TYW1B: variants seen among roughly 807,000 people sequenced by gnomAD.
TYW1B encodes S-adenosyl-L-methionine-dependent tRNA 4-demethylwyosine synthase TYW1B.
TYW1B carries 73 observed loss-of-function variants against 86.9 expected under a neutral mutation model. That is an observed-to-expected ratio of 0.84 (90% confidence interval 0.70 to 1.02). The LOEUF (loss-of-function observed/expected upper bound fraction) is 1.02, where lower values mean the gene tolerates loss of function less well. Ranked by LOEUF, TYW1B falls within the 50% of genes least tolerant of loss-of-function variation. The pLI is 0.00. For synonymous variants in TYW1B, 248 were observed against 292.8 expected (o/e 0.85, Z 1.56); for missense variants, 637 against 827.4 (o/e 0.77, Z 2.82).
intron 6 of TYW1B, among the ~76,000 whole-genome samples, chr7:72,779,121 C>A (rs1403641216): frequency 6.6e-6 from 1 of 152,184 alleles, no homozygotes; most frequent in Non-Finnish European, 1.5e-5. Context: ...GGCCCTACCA[C>A]CAAGCCCCAG....
intron 11 of TYW1B, among the ~76,000 whole-genome samples, chr7:72,643,019 A>G (rs1355090447): frequency 6.6e-6 from 1 of 152,220 alleles, no homozygotes; most frequent in Non-Finnish European, 1.5e-5. Context: ...CCACATGATC[A>G]CACTGTTTTG....
At chr7:72,606,459 C>T (rs1473366037) in intron 13 of TYW1B, among the ~76,000 whole-genome samples, 1 of 152,062 alleles carries the variant, frequency 6.6e-6, no homozygotes. Context: ...TCCTCCCCTC[C>T]AGCTGTAATG....
intron 7 of TYW1B, among the ~76,000 whole-genome samples, chr7:72,758,473 AT>A (rs1787632069): frequency 6.6e-6 from 1 of 151,188 alleles, no homozygotes; most frequent in Non-Finnish European, 1.5e-5. Context: ...TTAGAAAAAA[AT>A]TTTTCTCTCT....
intron 2 of TYW1B, among the ~76,000 whole-genome samples, chr7:72,824,124 G>A (rs1788883062): frequency 6.6e-6 from 1 of 151,950 alleles, no homozygotes; most frequent in African/African-American, 2.4e-5. Context: ...ACCTTCGACT[G>A]TAAAATGAAG....
chr7:72,778,682 C>A (rs115947209), intron 6 of TYW1B, among the ~76,000 whole-genome samples: 4,785 of 152,180 alleles, frequency 0.031, 86 homozygotes, highest in Non-Finnish European at 0.037. Context: ...AAACTCCTGG[C>A]CAATGTCTAC....
chr7:72,713,300 C>CAAA (rs71069102), intron 10 of TYW1B, among the ~76,000 whole-genome samples: 4 of 55,850 alleles, frequency 7.2e-5, no homozygotes, highest in Non-Finnish European at 9.4e-5. Context: ...GACTCCAACT[C>CAAA]AAAAAAAAAA....
chr7:72,815,087 A>AG (rs1554479132), intron 3 of TYW1B, among the ~76,000 whole-genome samples: 2 of 146,544 alleles, frequency 1.4e-5, no homozygotes, highest in African/African-American at 5.0e-5. Context: ...AAAAAAAAAA[A>AG]AAAGAAAATT....
intron 13 of TYW1B, among the ~76,000 whole-genome samples, chr7:72,580,225 G>C (rs1220800613): frequency 6.6e-6 from 1 of 152,120 alleles, no homozygotes; most frequent in Non-Finnish European, 1.5e-5. Context: ...GAATCATACT[G>C]AATAATCACA....
At chr7:72,667,882 T>C (rs1173026225) in intron 11 of TYW1B, among the ~76,000 whole-genome samples, 2 of 152,252 alleles carry the variant, frequency 1.3e-5, no homozygotes, top group Non-Finnish European at 2.9e-5. Flanking sequence ...TATTCCCTTG[T>C]GGCTAGCCAG....
intron 13 of TYW1B, among the ~76,000 whole-genome samples, chr7:72,583,115 C>T (rs770593488): frequency 6.6e-6 from 1 of 152,164 alleles, no homozygotes; most frequent in African/African-American, 2.4e-5. Flanking sequence ...GTAATCCCAG[C>T]ACTTTGGGAG....
At chr7:72,615,978 G>T (rs1484043817) in intron 13 of TYW1B, among the ~76,000 whole-genome samples, 6 of 152,036 alleles carry the variant, frequency 3.9e-5, no homozygotes, top group Middle Eastern at 3.4e-3. Flanking sequence ...ATATAATGAC[G>T]TCTAACATAT....
At chr7:72,665,409 C>T (rs530379105) in intron 11 of TYW1B, among the ~76,000 whole-genome samples, 330 of 152,322 alleles carry the variant, frequency 2.2e-3, no homozygotes, top group African/African-American at 6.9e-3. Context: ...GGTTCACCTA[C>T]AATCAGGCTT....
intron 3 of TYW1B, among the ~76,000 whole-genome samples, chr7:72,814,428 C>CA (rs1554478972): frequency 6.6e-6 from 1 of 151,652 alleles, no homozygotes; most frequent in African/African-American, 2.4e-5. Context: ...ACTAAAACTA[C>CA]AAAAAATTAG....
Position 72,745,852 on chromosome 7 carries a change from GT to G in TYW1B, c.965-1252del, listed in dbSNP as rs1787385124. On this transcript the variant is annotated intron_variant, in intron 7 of 13. Transcript: ENST00000620995. ...GAGTAGCCTTTACACGTGTATAGGG[GT>G]GTGTGTGTGTGTGTGTGTGTGTGTG... 3.7e-3 allele frequency among the ~76,000 whole-genome samples: 21 copies of G among 5,698 alleles called. No homozygotes were observed. The East Asian group carries it at 0.25, about 68-fold the overall frequency. 3.7% of individuals were successfully genotyped at this position (5,698 alleles called of 152,430 possible). A position where few individuals can be genotyped will look rare whatever the true frequency, so the allele number is the denominator to read the frequency against.
Position 72,726,736 on chromosome 7 carries a change from A to AT in TYW1B, c.1192+2085dup, listed in dbSNP as rs554045343. Among the ~76,000 whole-genome samples, 382 of 152,264 alleles carry AT rather than the reference A, an allele frequency of 2.5e-3. 3 individuals carry two copies. The highest frequency in any genetic ancestry group is 5.5e-3 in the Admixed American group (84 of 15,272). On this transcript the variant is annotated intron_variant, in intron 9 of 13. Coordinates refer to ENST00000620995, the MANE Select transcript of TYW1B (RefSeq NM_001145440.3). ...TTTGCATGACTTTTCTCCATTTCTCATAAGAATGAGAAATAAGTATGAGCC... is the reference window on the plus strand; with the variant it reads ...TTTGCATGACTTTTCTCCATTTCTCATTAAGAATGAGAAATAAGTATGAGCC...
intron 13 of TYW1B, among the ~76,000 whole-genome samples, chr7:72,580,417 G>T (rs1213464606): frequency 2.0e-5 from 3 of 152,102 alleles, no homozygotes; most frequent in Non-Finnish European, 4.4e-5. Context: ...AGAATCCCTC[G>T]AATCCAACAG....
chr7:72,815,407 A>T lies in TYW1B; in HGVS notation c.210T>A (p.Tyr70Ter), dbSNP rs781901924. The T allele has an allele frequency of 1.6e-5, 25 of 1,607,082 alleles. No homozygotes were observed. The South Asian group carries it at 2.8e-4, about 18-fold the overall frequency. The part of the protein sequence containing the change: ...LPVAIINLKE[Y>*]DPDDHLIEEV... The stretch of plus-strand genomic sequence containing the variant: ...CTTCTATCAGATGATCATCTGGATC[A>T]TATTCTTTTAGATTAATAATGGCCA... Residue 70 changes from tyrosine (Y) to a stop codon, truncating the protein, a stop_gained, in exon 3 of 14, where the codon TAT (tyrosine) becomes TAA (stop). Transcript: ENST00000620995. LOFTEE classifies it high-confidence loss of function.
At chr7:72,692,952 G>A (rs1814209015) in intron 11 of TYW1B, among the ~76,000 whole-genome samples, 2 of 152,112 alleles carry the variant, frequency 1.3e-5, no homozygotes, top group Admixed American at 1.3e-4. Flanking sequence ...GATGGGTTAG[G>A]AATGTCAAAG....
At chr7:72,652,710 CTT>C (rs67315403) in intron 11 of TYW1B, among the ~76,000 whole-genome samples, 3,848 of 152,112 alleles carry the variant, frequency 0.025, 150 homozygotes, top group African/African-American at 0.087. Context: ...AAAAATCAGA[CTT>C]ATATATGTTA....
Sources: gnomAD v4.1 joint callset for allele counts (sites outside exome capture counted in the v4.1 genomes callset) on GRCh38, gnomAD v4.1.1 for gene constraint, MANE v1.5 for transcripts, NCBI Gene and HGNC (gene_info 2026-07-23, HGNC 2026-07-21) for gene names.